The following RARS2 variants were observed in gnomAD, a reference collection of about 807,000 sequenced individuals.
RARS2 encodes the protein arginyl-tRNA synthetase 2, mitochondrial.
RARS2 carries 67 observed loss-of-function variants against 88.5 expected under a neutral mutation model. The ratio of observed to expected loss-of-function variants is 0.76; its 90% CI spans 0.62 to 0.93. The LOEUF (loss-of-function observed/expected upper bound fraction) is 0.93. Among genes scored for constraint, RARS2 ranks in the 40% least tolerant of loss-of-function variants. The probability of loss-of-function intolerance (pLI) is 0.00; values close to 1 mark genes in which losing one functional copy is unlikely to be tolerated. For missense variants in RARS2, 664 were observed against 684.2 expected (o/e 0.97, Z 0.33); for synonymous variants, 239 against 230.3 (o/e 1.04, Z -0.34).
At chr6:87,568,848 T>G (rs927130213) in intron 2 of RARS2, among the ~76,000 whole-genome samples, 2 of 152,210 alleles carry the variant, frequency 1.3e-5, no homozygotes, top group African/African-American at 4.8e-5. Context: ...TTAACTTCTT[T>G]TCAAAGCTTA....
intron 1 of RARS2, among the ~76,000 whole-genome samples, chr6:87,583,050 T>C (rs1240667283): frequency 2.0e-5 from 3 of 152,226 alleles, no homozygotes; most frequent in African/African-American, 7.2e-5. Context: ...AACTGTACTA[T>C]GGTCATGTAA....
intron 7 of RARS2, 138 bp downstream of exon 7, chr6:87,545,478 C>A (rs1373182460): frequency 2.0e-6 from 2 of 1,020,360 alleles, no homozygotes; most frequent in African/African-American, 1.7e-5. Flanking sequence ...GCAAAAGAGC[C>A]ATTAGGGAAA....
chr6:87,548,917 A>T (rs1166057490), intron 5 of RARS2, among the ~76,000 whole-genome samples: 1 of 152,210 alleles, frequency 6.6e-6, no homozygotes, highest in Non-Finnish European at 1.5e-5. Context: ...ATCAAAATTT[A>T]AAAATGTAAA....
At chr6:87,582,527 G>T (rs1582889619) in intron 1 of RARS2, among the ~76,000 whole-genome samples, 1 of 152,272 alleles carries the variant, frequency 6.6e-6, no homozygotes, top group South Asian at 2.1e-4. Context: ...CTACTCTGTA[G>T]GTTGCCTGTT....
chr6:87,545,273 A>T (rs1214551722), intron 7 of RARS2, among the ~76,000 whole-genome samples: 1 of 152,178 alleles, frequency 6.6e-6, no homozygotes, highest in Non-Finnish European at 1.5e-5. Flanking sequence ...TTGTAAAGAC[A>T]GGATTTCGCC....
At chr6:87,571,316 G>GT (rs1292522197) in intron 1 of RARS2, among the ~76,000 whole-genome samples, 1 of 152,288 alleles carries the variant, frequency 6.6e-6, no homozygotes, top group African/African-American at 2.4e-5. Flanking sequence ...TGCAACGATT[G>GT]TAAGTTTCCT....
chr6:87,553,955 G>T (rs1785062584), intron 5 of RARS2, among the ~76,000 whole-genome samples: 1 of 152,156 alleles, frequency 6.6e-6, no homozygotes, highest in Admixed American at 6.5e-5. Context: ...GAAGACAAGT[G>T]AGTGGCAGAC....
intron 4 of RARS2, 126 bp downstream of exon 4, chr6:87,562,576 T>C (rs919509971): frequency 1.4e-5 from 10 of 718,928 alleles, no homozygotes; most frequent in African/African-American, 3.5e-5. Context: ...CTCCAAGTTA[T>C]GGATCAGTAT....
At chr6:87,588,458 C>T (rs1431510270) in intron 1 of RARS2, among the ~76,000 whole-genome samples, 1 of 152,134 alleles carries the variant, frequency 6.6e-6, no homozygotes, top group South Asian at 2.1e-4. Flanking sequence ...GCTTCAAACT[C>T]GTGGGTCCGT....
At chr6:87,516,964 G>A (rs1309053895) in intron 17 of RARS2, 84 bp from the exon 18 acceptor site, 9 of 1,577,764 alleles carry the variant, frequency 5.7e-6, no homozygotes, top group Non-Finnish European at 7.8e-6. Flanking sequence ...GTGAATATAA[G>A]GTTGACTCGA....
chr6:87,583,761 A>C (rs190019179), intron 1 of RARS2, among the ~76,000 whole-genome samples: 1 of 152,340 alleles, frequency 6.6e-6, no homozygotes, highest in Admixed American at 6.5e-5. Context: ...GCTTTGAGGC[A>C]AATAGCTAGG....
chr6:87,573,230 C>T (rs1365353937), intron 1 of RARS2, among the ~76,000 whole-genome samples: 1 of 152,098 alleles, frequency 6.6e-6, no homozygotes, highest in African/African-American at 2.4e-5. Context: ...ACATCTCACA[C>T]GGTGGGAGCA....
At chr6:87,565,315 A>G (rs1767537713) in intron 2 of RARS2, among the ~76,000 whole-genome samples, 1 of 152,238 alleles carries the variant, frequency 6.6e-6, no homozygotes, top group Non-Finnish European at 1.5e-5. Context: ...AAAGAAGAAT[A>G]TTCTTCTTAA....
chr6:87,558,520 A>G (rs1384158641), intron 4 of RARS2, among the ~76,000 whole-genome samples: 1 of 152,204 alleles, frequency 6.6e-6, no homozygotes. Flanking sequence ...AACAACACCT[A>G]CAGTAATGCA....
chr6:87,527,035 G>C (rs1775982415), intron 10 of RARS2, among the ~76,000 whole-genome samples: 1 of 151,894 alleles, frequency 6.6e-6, no homozygotes, highest in African/African-American at 2.4e-5. Context: ...TCTCGGCCAG[G>C]CACAGTGGCT....
intron 1 of RARS2, among the ~76,000 whole-genome samples, chr6:87,571,706 C>T (rs1769797404): frequency 6.6e-6 from 1 of 152,232 alleles, no homozygotes; most frequent in South Asian, 2.1e-4. Flanking sequence ...ATTAAAACCA[C>T]TGTCTCTTGA....
intron 4 of RARS2, 87 bp downstream of exon 4, chr6:87,562,615 A>G: frequency 1.0e-6 from 1 of 986,582 alleles, no homozygotes. Context: ...CAGAGGAGGC[A>G]TAAAGAATTT....
intron 1 of RARS2, among the ~76,000 whole-genome samples, chr6:87,571,218 T>C (rs978046326): frequency 6.6e-6 from 1 of 152,182 alleles, no homozygotes; most frequent in Non-Finnish European, 1.5e-5. Flanking sequence ...TCACGAGATC[T>C]GATGGTTTTA....
intron 1 of RARS2, among the ~76,000 whole-genome samples, chr6:87,589,087 C>A (rs1366935144): frequency 6.6e-6 from 1 of 152,198 alleles, no homozygotes. Flanking sequence ...AAATTATACA[C>A]CAGGCTAATT....
Sources: allele counts gnomAD v4.1 joint callset (sites outside exome capture counted in the v4.1 genomes callset), GRCh38; gene constraint gnomAD v4.1.1; transcripts MANE v1.5; gene names NCBI Gene and HGNC (gene_info 2026-07-23, HGNC 2026-07-21).